The following NME5 variants were observed in gnomAD, a reference collection of about 807,000 sequenced individuals.
NME5 encodes nucleoside diphosphate kinase 5.
Under a neutral mutation model 21.6 loss-of-function variants are expected in NME5, and 18 were observed. The ratio of observed to expected loss-of-function variants is 0.83; its 90% CI spans 0.58 to 1.24. The LOEUF (loss-of-function observed/expected upper bound fraction) is 1.24. Among genes scored for constraint, NME5 ranks in the 50% most tolerant of loss-of-function variants. The pLI is 0.00. For synonymous variants in NME5, 70 were observed against 80.6 expected (o/e 0.87, Z 0.71); for missense variants, 223 against 255.4 (o/e 0.87, Z 0.86).
rs116440778 is a variant in NME5, at chr5:138,118,878, T to C, written c.495A>G (p.Ile165Met). ...TGAGTCCTTCAAGCAGAGTTGGCATTATATGTAAATTTAAATAGTCCTTAG... is the reference window on the plus strand; with the variant it reads ...TGAGTCCTTCAAGCAGAGTTGGCATCATATGTAAATTTAAATAGTCCTTAG... ...QAAKDYLNLH[I>M]MPTLLEGLTE... Residue 165 changes from isoleucine (I) to methionine (M), a missense_variant, in exon 5 of 6, where the codon ATA becomes ATG. Physicochemically the swap from Ile to Met is conservative, Grantham distance 10. Coordinates refer to ENST00000265191, the MANE Select transcript of NME5 (RefSeq NM_003551.3). 580 of 1,613,764 alleles carry C rather than the reference T, an allele frequency of 3.6e-4. 3 individuals are homozygous for C. In the African/African-American group the frequency reaches 6.9e-3, roughly 19 times the overall value.
intron 2 of NME5, among the ~76,000 whole-genome samples, chr5:138,133,947 A>C (rs1751631625): frequency 6.6e-6 from 1 of 152,208 alleles, no homozygotes; most frequent in Non-Finnish European, 1.5e-5. Context: ...ATGCAACTGA[A>C]ATGTACACTT....
At chr5:138,129,139 A>C in intron 3 of NME5, 124 bp downstream of exon 3, 1 of 744,352 alleles carries the variant, frequency 1.3e-6, no homozygotes, top group Non-Finnish European at 2.2e-6. Context: ...TGCCCCCCAA[A>C]AAAGTTGATT....
At chr5:138,127,740 T>C (rs1036042228) in intron 4 of NME5, 1 of 935,722 alleles carries the variant, frequency 1.1e-6, no homozygotes. Flanking sequence ...TAGTTATTAA[T>C]TTCTCAATTG....
intron 4 of NME5, among the ~76,000 whole-genome samples, chr5:138,126,182 A>C (rs1751419980): frequency 6.6e-6 from 1 of 152,212 alleles, no homozygotes; most frequent in African/African-American, 2.4e-5. Context: ...TAGCGGATTA[A>C]TTTAATGAGT....
chr5:138,139,136 G>A (rs377439779), intron 1 of NME5: 1 of 174,906 alleles, frequency 5.7e-6, no homozygotes, highest in Non-Finnish European at 1.2e-5. Context: ...GGGGGCTCGA[G>A]GGGGCGGTAG....
At chr5:138,122,904 T>G (rs1234339351) in intron 4 of NME5, 1 of 152,084 alleles carries the variant, frequency 6.6e-6, no homozygotes, top group African/African-American at 2.4e-5. Flanking sequence ...GGTCTCGAAC[T>G]CCTGACCTCA....
At chr5:138,125,976 A>C (rs1751415174) in intron 4 of NME5, among the ~76,000 whole-genome samples, 1 of 152,306 alleles carries the variant, frequency 6.6e-6, no homozygotes, top group East Asian at 1.9e-4. Flanking sequence ...TGCTTGAGTG[A>C]ATCATCGTAT....
At chr5:138,130,339 C>T (rs1210974338) in intron 2 of NME5, among the ~76,000 whole-genome samples, 2 of 152,022 alleles carry the variant, frequency 1.3e-5, no homozygotes, top group Non-Finnish European at 2.9e-5. Flanking sequence ...CATGATAACA[C>T]GACTGCACTC....
chr5:138,124,581 C>T (rs372218592), intron 4 of NME5, among the ~76,000 whole-genome samples: 4 of 152,010 alleles, frequency 2.6e-5, no homozygotes, highest in East Asian at 1.9e-4. Flanking sequence ...AGTACAGCAG[C>T]GCAAATGCAG....
rs1379073535 is a variant in NME5 at position 138,139,416 on chromosome 5, G to T, written c.-51C>A. The T allele has an allele frequency of 3.0e-6, 3 of 985,494 alleles. No homozygotes were observed. The highest frequency in any genetic ancestry group is 3.6e-6 in the Non-Finnish European group (3 of 830,084). 61.0% of individuals were successfully genotyped at this position (985,494 alleles called of 1,614,324 possible). ...GGTACAACTTGTTGCTAGGAGACCTGAAGCCCCAGCGTGGGGACGGTGGCT... is the reference window on the plus strand; with the variant it reads ...GGTACAACTTGTTGCTAGGAGACCTTAAGCCCCAGCGTGGGGACGGTGGCT... On this transcript the variant is annotated 5_prime_UTR_variant, in exon 1 of 6. Coordinates refer to ENST00000265191, the MANE Select transcript of NME5 (RefSeq NM_003551.3).
chr5:138,132,950 TTTG>T (rs1751603603), intron 2 of NME5, among the ~76,000 whole-genome samples: 1 of 151,792 alleles, frequency 6.6e-6, no homozygotes, highest in African/African-American at 2.4e-5. Context: ...GTTTTTTTTT[TTTG>T]TTTTTTCTTG....
Position 138,127,194 on chromosome 5 carries a change from G to A in NME5, c.436+1285C>T, listed in dbSNP as rs1427880750. Among the ~76,000 whole-genome samples the A allele has an allele frequency of 2.6e-5, 4 of 152,122 alleles. No homozygotes were observed. In the East Asian group the frequency reaches 5.8e-4, roughly 22 times the overall value. ...GACTGTACAGAAAGGAGGGAAGCAG[G>A]TCTTCCCCTGGGAGGATGACTGAAA... On this transcript the variant is annotated intron_variant, in intron 4 of 5. Transcript: ENST00000265191.
chr5:138,132,552 C>T (rs1212464580), intron 2 of NME5, among the ~76,000 whole-genome samples: 1 of 152,126 alleles, frequency 6.6e-6, no homozygotes, highest in Non-Finnish European at 1.5e-5. Flanking sequence ...ATCTGTCTTT[C>T]TAAAATGTCT....
chr5:138,120,167 C>T (rs998434052), intron 4 of NME5, among the ~76,000 whole-genome samples: 2 of 150,350 alleles, frequency 1.3e-5, no homozygotes, highest in African/African-American at 4.9e-5. Flanking sequence ...TGGCCTCAAG[C>T]AATCCTCCCA....
chr5:138,139,267 C>G (rs1487270405), intron 1 of NME5, 104 bp downstream of exon 1: 1 of 682,208 alleles, frequency 1.5e-6, no homozygotes, highest in East Asian at 1.3e-4. Context: ...AGGGACCTCT[C>G]TGTGCATAGG....
intron 2 of NME5, among the ~76,000 whole-genome samples, chr5:138,131,203 C>CTA (rs1554090062): frequency 1.1e-5 from 1 of 88,306 alleles, no homozygotes; most frequent in African/African-American, 4.8e-5. Flanking sequence ...CCCGTCTCTG[C>CTA]TAAAAAAAAA....
chr5:138,117,959 G>A (rs1430211427), intron 5 of NME5, among the ~76,000 whole-genome samples: 1 of 151,582 alleles, frequency 6.6e-6, no homozygotes, highest in African/African-American at 2.4e-5. Context: ...ATTCCAGCCT[G>A]GGCAACAGAG....
At chr5:138,127,378 A>T in intron 4 of NME5, 1 of 617,864 alleles carries the variant, frequency 1.6e-6, no homozygotes, top group Non-Finnish European at 2.0e-6. Flanking sequence ...GTATCACATC[A>T]GTTATTCAAA....
chr5:138,127,608 C>A (rs1303092656), intron 4 of NME5: 1 of 984,634 alleles, frequency 1.0e-6, no homozygotes, highest in Non-Finnish European at 1.2e-6. Context: ...ACAAAAATCA[C>A]CAAATTTTAT....
Sources: gnomAD v4.1 joint callset for allele counts (sites outside exome capture counted in the v4.1 genomes callset) on GRCh38, gnomAD v4.1.1 for gene constraint, MANE v1.5 for transcripts, NCBI Gene and HGNC (gene_info 2026-07-23, HGNC 2026-07-21) for gene names.